ITGAV: variants seen among roughly 807,000 people sequenced by gnomAD.
The protein encoded by ITGAV is integrin subunit alpha V.
ITGAV carries 76 observed loss-of-function variants against 143.8 expected under a neutral mutation model. That is an observed-to-expected ratio of 0.53 (90% CI 0.44 to 0.64). The LOEUF (loss-of-function observed/expected upper bound fraction) is 0.64, where lower values mean the gene tolerates loss of function less well. Among genes scored for constraint, ITGAV ranks in the 30% least tolerant of loss-of-function variants. ITGAV has a pLI of 0.00. For synonymous variants in ITGAV, 453 were observed against 446.7 expected (o/e 1.01, Z -0.18); for missense variants, 1,193 against 1,274.7 (o/e 0.94, Z 0.98).
rs1336359288 is a variant in ITGAV at position 186,638,443 on chromosome 2, T to C, written c.881T>C (p.Leu294Ser). 1 of 1,611,292 alleles carries C rather than the reference T, an allele frequency of 6.2e-7. No homozygotes were observed. Among genetic ancestry groups the C allele is most frequent in the African/African-American group, 1.3e-5 (1 of 74,874 alleles). The part of the protein sequence containing the change: ...YIYDGKNMSS[L>S]YNFTGEQMAA... ...TATGATGGGAAGAACATGTCCTCCT[T>C]ATACAATTTTACTGGCGAGCAGGTA... The change falls in exon 10 of 30, where the codon TTA becomes TCA. Residue 294 changes from leucine (L) to serine (S), a missense_variant. Transcript: ENST00000261023.
At chr2:186,672,321 G>A (rs1689090277) in intron 26 of ITGAV, among the ~76,000 whole-genome samples, 1 of 152,116 alleles carries the variant, frequency 6.6e-6, no homozygotes, top group South Asian at 2.1e-4. Flanking sequence ...CTATTTATCA[G>A]TTGATCAACA....
intron 12 of ITGAV, among the ~76,000 whole-genome samples, chr2:186,642,581 C>T (rs1559055469): frequency 7.1e-6 from 1 of 141,720 alleles, no homozygotes; most frequent in African/African-American, 2.7e-5. Flanking sequence ...GTCACCCAGG[C>T]TAGAATGCAG....
intron 2 of ITGAV, among the ~76,000 whole-genome samples, chr2:186,608,051 C>T (rs1050622252): frequency 1.3e-5 from 2 of 152,176 alleles, no homozygotes; most frequent in African/African-American, 4.8e-5. Flanking sequence ...ACTCCTGCGT[C>T]TACCAGGTTT....
chr2:186,674,026 G>A (rs893989809), intron 26 of ITGAV, among the ~76,000 whole-genome samples: 7 of 152,030 alleles, frequency 4.6e-5, no homozygotes, highest in Non-Finnish European at 7.4e-5. Flanking sequence ...CATGCTGGAG[G>A]ACAGTAGCAT....
intron 26 of ITGAV, among the ~76,000 whole-genome samples, chr2:186,674,599 C>G (rs1259680019): frequency 6.6e-6 from 1 of 151,914 alleles, no homozygotes; most frequent in East Asian, 1.9e-4. Context: ...GCAACTTCTG[C>G]CCCCCAGGTT....
chr2:186,649,636 C>A (rs939335684), intron 13 of ITGAV, among the ~76,000 whole-genome samples: 1 of 152,146 alleles, frequency 6.6e-6, no homozygotes, highest in African/African-American at 2.4e-5. Context: ...AGATGAAAGT[C>A]TACTTTATGA....
chr2:186,626,949 C>G (rs1246577899), intron 4 of ITGAV, among the ~76,000 whole-genome samples: 2 of 151,952 alleles, frequency 1.3e-5, no homozygotes, highest in Non-Finnish European at 2.9e-5. Context: ...CAAAAATGTT[C>G]CTATTTGAAA....
intron 28 of ITGAV, 118 bp downstream of exon 28, chr2:186,676,045 G>A (rs1689200240): frequency 1.6e-6 from 1 of 638,554 alleles, no homozygotes; most frequent in Admixed American, 3.0e-5. Context: ...AACTAATGAA[G>A]TTATATGATA....
chr2:186,633,233 A>G, intron 5 of ITGAV, 96 bp from the exon 6 acceptor site: 1 of 643,644 alleles, frequency 1.6e-6, no homozygotes, highest in Non-Finnish European at 2.7e-6. Flanking sequence ...AGTCATGTAT[A>G]CATATACATA....
At chr2:186,665,852 C>A (rs548393226) in intron 21 of ITGAV, among the ~76,000 whole-genome samples, 2 of 152,218 alleles carry the variant, frequency 1.3e-5, no homozygotes, top group South Asian at 4.1e-4. Context: ...TAATACAGGT[C>A]TAAATATTCC....
intron 3 of ITGAV, among the ~76,000 whole-genome samples, chr2:186,623,330 A>T (rs748984503): frequency 1.3e-5 from 2 of 151,892 alleles, no homozygotes; most frequent in African/African-American, 2.4e-5. Flanking sequence ...TGTCAGCATT[A>T]TTCAGAATGG....
chr2:186,629,931 T>C (rs747859287), intron 4 of ITGAV, among the ~76,000 whole-genome samples: 26 of 152,112 alleles, frequency 1.7e-4, no homozygotes, highest in Admixed American at 5.2e-4. Context: ...TTAAATTAAT[T>C]GGCTAATTGT....
At chr2:186,592,118 A>G (rs565589381) in intron 1 of ITGAV, among the ~76,000 whole-genome samples, 1 of 152,288 alleles carries the variant, frequency 6.6e-6, no homozygotes, top group South Asian at 2.1e-4. Flanking sequence ...TTTTGAAAAT[A>G]TATGTCTTCA....
chr2:186,636,151 A>T lies in ITGAV; in HGVS notation c.701A>T (p.Tyr234Phe). ...GACCCCAATGTTTACAGCATCAAGT[A>T]TAATAACCAATTAGCAACTCGGACT... The part of the protein sequence containing the change: ...KYDPNVYSIK[Y>F]NNQLATRTAQ... Residue 234 changes from tyrosine (Y) to phenylalanine (F), a missense_variant, in exon 7 of 30, where the codon TAT (tyrosine) becomes TTT (phenylalanine). Coordinates refer to ENST00000261023, the MANE Select transcript of ITGAV (RefSeq NM_002210.5). 6.2e-7 allele frequency: 1 copy of T among 1,613,352 alleles called. No individual in the cohort carries two copies. Among genetic ancestry groups the T allele is most frequent in the Non-Finnish European group, 8.5e-7 (1 of 1,179,652 alleles).
chr2:186,673,724 A>G (rs1052187742), intron 26 of ITGAV, among the ~76,000 whole-genome samples: 9 of 151,706 alleles, frequency 5.9e-5, no homozygotes, highest in African/African-American at 1.7e-4. Context: ...CTGGAGTGCA[A>G]TGGTGTGATC....
intron 29 of ITGAV, 129 bp from the exon 30 acceptor site, chr2:186,677,068 T>C (rs1689233787): frequency 2.5e-6 from 3 of 1,216,150 alleles, no homozygotes; most frequent in Non-Finnish European, 3.5e-6. Flanking sequence ...GCATTACTTA[T>C]TATATGAGGG....
intron 14 of ITGAV, among the ~76,000 whole-genome samples, chr2:186,650,447 G>A (rs1052963836): frequency 6.6e-6 from 1 of 151,882 alleles, no homozygotes; most frequent in Non-Finnish European, 1.5e-5. Context: ...TGATACACCC[G>A]TCTCAGCCTC....
chr2:186,663,449 A>G (rs1445679140), intron 18 of ITGAV, among the ~76,000 whole-genome samples: 3 of 152,276 alleles, frequency 2.0e-5, no homozygotes, highest in Non-Finnish European at 4.4e-5. Flanking sequence ...TTTCTTGGCT[A>G]TTACTTTCTT....
chr2:186,666,713 G>A lies in ITGAV; in HGVS notation c.2176G>A (p.Gly726Ser). ...PMKAGTQLLA[G>S]LRFSVHQQSE... ...TTCCTCTCTCCTTTAGCTCTTAGCT[G>A]GTCTTCGTTTCAGTGTGCACCAGCA... The change falls in exon 22 of 30, where the codon GGT becomes AGT. Residue 726 changes from glycine to serine, a missense_variant. Physicochemically the swap from Gly to Ser is moderately conservative, Grantham distance 56 (BLOSUM62 0). Coordinates refer to ENST00000261023, the MANE Select transcript of ITGAV (RefSeq NM_002210.5). 1 of 1,567,632 alleles carries A rather than the reference G, an allele frequency of 6.4e-7. No homozygotes were observed. Among genetic ancestry groups the A allele is most frequent in the South Asian group, 1.2e-5 (1 of 81,670 alleles).
Sources: gnomAD v4.1 joint callset for allele counts (sites outside exome capture counted in the v4.1 genomes callset) on GRCh38, gnomAD v4.1.1 for gene constraint, MANE v1.5 for transcripts, NCBI Gene and HGNC (gene_info 2026-07-23, HGNC 2026-07-21) for gene names.